Variants in ZBTB26 observed in about 807,000 individuals in gnomAD.
ZBTB26 encodes the protein zinc finger and BTB domain-containing protein 26.
Under a neutral mutation model 31.6 loss-of-function variants are expected in ZBTB26, and 12 were observed. The observed-to-expected ratio is 0.38, with a 90% confidence interval of 0.24 to 0.61. ZBTB26 has a LOEUF of 0.61. ZBTB26 is among the 20% of genes least tolerant of loss of function. The pLI is 0.60. For synonymous variants in ZBTB26, 155 were observed against 182.9 expected, an observed-to-expected ratio of 0.85 and a Z score of 1.23; for missense variants, 311 against 521.9, an observed-to-expected ratio of 0.60 and a Z score of 3.94.
chr9:122,927,999 T>A (rs1351401431), intron 1 of ZBTB26, among the ~76,000 whole-genome samples: 1 of 152,014 alleles, frequency 6.6e-6, no homozygotes, highest in African/African-American at 2.4e-5. Context: ...CAAGCCCGGA[T>A]AATTTTTGCA....
rs1458730216 is a variant in ZBTB26 at position 122,916,969 on chromosome 9, A to T, written c.*1640T>A. 6.6e-6 allele frequency: 1 copy of T among 152,254 alleles called. No individual in the cohort carries two copies. The highest frequency in any genetic ancestry group is 1.5e-5 in the Non-Finnish European group (1 of 68,038). 9.4% of individuals were successfully genotyped at this position (152,254 alleles called of 1,614,324 possible). On this transcript the variant is annotated 3_prime_UTR_variant, in exon 2 of 2. Coordinates refer to ENST00000373656, the MANE Select transcript of ZBTB26 (RefSeq NM_020924.4). ...GAAACTAATAAACAGTTTTCCACAC[A>T]AAATCAACTTCGCATTTAGATTCTT... is the stretch of plus-strand genomic sequence containing the variant.
chr9:122,917,131 G>A lies in ZBTB26; in HGVS notation c.*1478C>T, dbSNP rs975767614. ...GCGATATTTTGTTGGCAAAATTCAG[G>A]TTGTCTCAGAAAGCCAACAGGGAGA... is the stretch of plus-strand genomic sequence containing the variant. On this transcript the variant is annotated 3_prime_UTR_variant, in exon 2 of 2. Transcript: ENST00000373656. 4.6e-5 allele frequency: 7 copies of A among 152,130 alleles called. No individual in the cohort carries two copies. The highest frequency in any genetic ancestry group is 1.0e-4 in the Non-Finnish European group (7 of 68,026). The allele number at this position is 152,130 out of a possible 1,614,324, so 9.4% of individuals were successfully genotyped here. A position where few individuals can be genotyped will look rare whatever the true frequency, so the allele number is the denominator to read the frequency against.
In ZBTB26 at chr9:122,919,347, A is replaced by G. The variant is rs756916523; in HGVS notation, c.588T>C (p.Ser196=). Reference sequence around the variant, plus strand: ...AAATAAACTGGTTCTGATCTTTTTTACTTCTAACCTCTGATACATCCCCAA... The same window carrying G: ...AAATAAACTGGTTCTGATCTTTTTTGCTTCTAACCTCTGATACATCCCCAA... ...ESIGDVSEVR[S]KKDQNQFISS... The change falls in exon 2 of 2, where the codon AGT becomes AGC. Residue 196 remains serine (S), a synonymous_variant. Transcript: ENST00000373656. The surrounding 1 kb of genome is among the most constrained non-coding windows in gnomAD (Gnocchi z 6.1). 1 of 1,614,122 alleles carries G rather than the reference A, an allele frequency of 6.2e-7. No homozygotes were observed. Among genetic ancestry groups the G allele is most frequent in the Non-Finnish European group, 8.5e-7 (1 of 1,180,024 alleles).
intron 1 of ZBTB26, chr9:122,931,119 C>T (rs1320329370): frequency 6.6e-6 from 1 of 152,296 alleles, no homozygotes; most frequent in African/African-American, 2.4e-5. Flanking sequence ...TCCCGAGGCT[C>T]GTTTTCTTAG....
In ZBTB26 at chr9:122,918,619, C is replaced by G. The variant is rs1355895181; in HGVS notation, c.1316G>C (p.Cys439Ser). 1 of 1,612,160 alleles carries G rather than the reference C, an allele frequency of 6.2e-7. No homozygotes were observed. Among genetic ancestry groups the G allele is most frequent in the Non-Finnish European group, 8.5e-7 (1 of 1,179,112 alleles). Residue 439 changes from cysteine (C) to serine (S), a missense_variant, in exon 2 of 2, where the codon TGT becomes TCT. Physicochemically the swap from Cys to Ser is moderately radical, Grantham distance 112. Around this residue, in one of 5 missense-constraint regions of ZBTB26, gnomAD observed 49 missense variants for 66.0 expected, o/e 0.74. Transcript: ENST00000373656. ...AVLNLRNDST[C>S]VN ...GCATGAAGCCCCTACTCAATTCACA[C>G]AAGTACTATCATTTCTTAAGTTCAG...
chr9:122,926,640 A>G (rs1243635817), intron 1 of ZBTB26, among the ~76,000 whole-genome samples: 2 of 152,234 alleles, frequency 1.3e-5, no homozygotes, highest in Non-Finnish European at 2.9e-5. Context: ...TTATGCTTCA[A>G]AAAAAGGTTT....
chr9:122,929,465 G>A (rs926043208), intron 1 of ZBTB26, among the ~76,000 whole-genome samples: 3 of 152,092 alleles, frequency 2.0e-5, no homozygotes, highest in Non-Finnish European at 4.4e-5. Flanking sequence ...GGACTCTGGA[G>A]CCGTATTTCC....
At position 122,916,324 on chromosome 9, in the gene ZBTB26, G is replaced by A. The variant is rs2793008; in HGVS notation, c.*2285C>T. ...GACCACATGAGACTATAAGCTCCAT[G>A]AGGGCAGGGACTATATCAATCTTAC... On this transcript the variant is annotated 3_prime_UTR_variant, in exon 2 of 2. Transcript: ENST00000373656. The A allele has an allele frequency of 0.72, 109,228 of 152,162 alleles. 41,505 individuals carry two copies. The highest frequency in any genetic ancestry group is 0.87 in the Middle Eastern group (255 of 294). 9.4% of individuals were successfully genotyped at this position (152,162 alleles called of 1,614,324 possible).
At chr9:122,924,097 G>T (rs912987571) in intron 1 of ZBTB26, among the ~76,000 whole-genome samples, 1 of 152,152 alleles carries the variant, frequency 6.6e-6, no homozygotes, top group African/African-American at 2.4e-5. Context: ...ACCTAACGAC[G>T]CATTTCTCAA....
At chr9:122,930,031 T>C (rs987649790) in intron 1 of ZBTB26, among the ~76,000 whole-genome samples, 2 of 152,160 alleles carry the variant, frequency 1.3e-5, no homozygotes, top group African/African-American at 4.8e-5. Flanking sequence ...CCAAATTTCC[T>C]TATTTTTCAA....
In ZBTB26 at chr9:122,915,717, A is replaced by G. The variant is rs2131532594; in HGVS notation, c.*2892T>C. On this transcript the variant is annotated 3_prime_UTR_variant, in exon 2 of 2. Coordinates refer to ENST00000373656, the MANE Select transcript of ZBTB26 (RefSeq NM_020924.4). ...TTAGGACAGTATTTTAGAAGCAGTGACATTGGTCACCTTCCATTTATAGAT... is the reference window on the plus strand; with the variant it reads ...TTAGGACAGTATTTTAGAAGCAGTGGCATTGGTCACCTTCCATTTATAGAT... 1 of 152,358 alleles carries G rather than the reference A, an allele frequency of 6.6e-6. No individual in the cohort carries two copies. Among genetic ancestry groups the G allele is most frequent in the African/African-American group, 2.4e-5 (1 of 41,584 alleles). 9.4% of individuals were successfully genotyped at this position (152,358 alleles called of 1,614,324 possible).
At chr9:122,921,683 G>C (rs1254628285) in intron 1 of ZBTB26, among the ~76,000 whole-genome samples, 1 of 152,236 alleles carries the variant, frequency 6.6e-6, no homozygotes, top group African/African-American at 2.4e-5. Context: ...TGTAATCCCA[G>C]CACTTCTGGA....
chr9:122,920,533 G>A (rs12685577), intron 1 of ZBTB26, among the ~76,000 whole-genome samples: 4 of 152,068 alleles, frequency 2.6e-5, no homozygotes, highest in African/African-American at 7.2e-5. Flanking sequence ...CACTGACACT[G>A]CTTGTCCAAT....
intron 1 of ZBTB26, among the ~76,000 whole-genome samples, chr9:122,930,164 A>G (rs1203909536): frequency 1.3e-5 from 2 of 152,246 alleles, no homozygotes; most frequent in African/African-American, 4.8e-5. Context: ...TCCATGCTGG[A>G]CAGCTCTATG....
chr9:122,920,079 G>C, intron 1 of ZBTB26, 135 bp from the exon 2 acceptor site: 3 of 1,072,084 alleles, frequency 2.8e-6, no homozygotes, highest in Non-Finnish European at 3.9e-6. Context: ...TCCTTGAAAG[G>C]GGAAGCCACT....
At chr9:122,923,025 A>G (rs539872174) in intron 1 of ZBTB26, among the ~76,000 whole-genome samples, 14 of 152,104 alleles carry the variant, frequency 9.2e-5, no homozygotes, top group African/African-American at 2.9e-4. Context: ...CTCTACTAAA[A>G]ACACAAAAAA....
intron 1 of ZBTB26, among the ~76,000 whole-genome samples, chr9:122,921,397 C>G (rs1335573972): frequency 6.6e-6 from 1 of 152,202 alleles, no homozygotes; most frequent in Admixed American, 6.5e-5. Flanking sequence ...CTCAGTGCAT[C>G]AAGAAATTCA....
intron 1 of ZBTB26, among the ~76,000 whole-genome samples, chr9:122,921,325 T>C (rs1398431411): frequency 3.9e-5 from 6 of 152,250 alleles, no homozygotes; most frequent in Non-Finnish European, 1.5e-5. Context: ...TCTCTTTATA[T>C]ACCAGTCTTC....
At chr9:122,925,117 T>C (rs1416778759) in intron 1 of ZBTB26, among the ~76,000 whole-genome samples, 1 of 152,142 alleles carries the variant, frequency 6.6e-6, no homozygotes, top group East Asian at 1.9e-4. Context: ...CTCATGCCTG[T>C]ATTCCAGCAC....
Sources: gnomAD v4.1 joint callset for allele counts (sites outside exome capture counted in the v4.1 genomes callset) on GRCh38, gnomAD v4.1.1 for gene constraint, gnomAD v4.1.1 regional missense constraint, Gnocchi (gnomAD v3.1) non-coding constraint, MANE v1.5 for transcripts, NCBI Gene and HGNC (gene_info 2026-07-23, HGNC 2026-07-21) for gene names.